The following PLCB4 variants were observed in gnomAD, a reference collection of about 807,000 sequenced individuals.
PLCB4 encodes the protein 1-phosphatidylinositol 4,5-bisphosphate phosphodiesterase beta-4.
Under a neutral mutation model 178.8 loss-of-function variants are expected in PLCB4, and 77 were observed. That is an observed-to-expected ratio of 0.43 (90% CI 0.36 to 0.52). PLCB4 has a LOEUF of 0.52. Ranked by LOEUF, PLCB4 falls within the 20% of genes least tolerant of loss-of-function variation. PLCB4 has a pLI of 0.00. For synonymous variants in PLCB4, 496 were observed against 490.8 expected (o/e 1.01, Z -0.14); for missense variants, 1,024 against 1,453.4 (o/e 0.70, Z 4.80).
At chr20:9,383,563 G>C (rs1003135562) in intron 13 of PLCB4, among the ~76,000 whole-genome samples, 3 of 152,178 alleles carry the variant, frequency 2.0e-5, no homozygotes, top group Non-Finnish European at 2.9e-5. Context: ...AGGTGTGATC[G>C]AAATGAAGGG....
At position 9,473,289 on chromosome 20, in the gene PLCB4, A is replaced by G. The variant is rs746423641; in HGVS notation, c.3419A>G (p.Lys1140Arg). 5 of 1,562,136 alleles carry G rather than the reference A, an allele frequency of 3.2e-6. No homozygotes were observed. The East Asian group carries it at 9.3e-5, about 29-fold the overall frequency. Reference protein sequence around the residue: ...FLEERKRLAMKQSKEMDQLKK... With the variant: ...FLEERKRLAMRQSKEMDQLKK... The stretch of plus-strand genomic sequence containing the variant: ...TTTTTTTTTTTGCAGCTTGCCATGA[A>G]GCAGTCCAAAGAAATGGATCAGTTG... Residue 1140 changes from lysine (K) to arginine (R), a missense_variant, in exon 38 of 40, where the codon AAG becomes AGG. By Grantham distance (26) the Lys-to-Arg change is conservative. Coordinates refer to ENST00000378473, the MANE Select transcript of PLCB4 (RefSeq NM_001377142.1).
intron 39 of PLCB4, among the ~76,000 whole-genome samples, chr20:9,477,791 G>GA (rs1435851795): frequency 6.6e-6 from 1 of 152,142 alleles, no homozygotes; most frequent in Non-Finnish European, 1.5e-5. Context: ...GAAGAAGAAG[G>GA]AAATCACAGT....
intron 35 of PLCB4, among the ~76,000 whole-genome samples, chr20:9,463,593 CAAA>C (rs145361980): frequency 1.6e-4 from 8 of 49,716 alleles, no homozygotes; most frequent in Admixed American, 5.2e-4. Flanking sequence ...AAATGGAAAG[CAAA>C]AAAAAAAAAA....
At chr20:9,172,015 T>C (rs1206691568) in intron 2 of PLCB4, among the ~76,000 whole-genome samples, 1 of 152,198 alleles carries the variant, frequency 6.6e-6, no homozygotes, top group East Asian at 1.9e-4. Context: ...GGCAAAATAA[T>C]TTGGGGTTTT....
intron 30 of PLCB4, among the ~76,000 whole-genome samples, chr20:9,441,013 TA>T (rs1244888470): frequency 6.6e-6 from 1 of 151,918 alleles, no homozygotes; most frequent in Non-Finnish European, 1.5e-5. Flanking sequence ...GGAGGTGAGG[TA>T]AAGTAGAGAT....
chr20:9,298,948 G>A (rs1452906539), intron 3 of PLCB4, among the ~76,000 whole-genome samples: 2 of 152,130 alleles, frequency 1.3e-5, no homozygotes, highest in African/African-American at 2.4e-5. Flanking sequence ...TAGATTTCTT[G>A]TAGCCCAGAA....
At chr20:9,315,731 G>A (rs2094891190) in intron 4 of PLCB4, among the ~76,000 whole-genome samples, 1 of 152,024 alleles carries the variant, frequency 6.6e-6, no homozygotes, top group African/African-American at 2.4e-5. Context: ...TCAGGAGTTC[G>A]AGACCAGCCT....
intron 2 of PLCB4, among the ~76,000 whole-genome samples, chr20:9,108,899 A>AAGAGAGAG (rs34242182): frequency 3.5e-5 from 5 of 142,462 alleles, no homozygotes; most frequent in African/African-American, 1.3e-4. Flanking sequence ...GAGAGAAAAC[A>AAGAGAGAG]AGAGAGAGAG....
intron 27 of PLCB4, among the ~76,000 whole-genome samples, chr20:9,422,409 CT>C (rs1322155671): frequency 6.6e-6 from 1 of 152,212 alleles, no homozygotes; most frequent in Non-Finnish European, 1.5e-5. Context: ...TTCTCTGCCC[CT>C]GTCAGGATAT....
chr20:9,409,877 T>C (rs1433931117), intron 24 of PLCB4, among the ~76,000 whole-genome samples: 1 of 152,104 alleles, frequency 6.6e-6, no homozygotes, highest in Non-Finnish European at 1.5e-5. Flanking sequence ...GGTAGCAAAA[T>C]AGAAATAGAA....
At chr20:9,202,357 T>A (rs1336791196) in intron 2 of PLCB4, among the ~76,000 whole-genome samples, 1 of 152,220 alleles carries the variant, frequency 6.6e-6, no homozygotes, top group Non-Finnish European at 1.5e-5. Context: ...AGAGAGTCTA[T>A]TTTATTGCAT....
intron 2 of PLCB4, among the ~76,000 whole-genome samples, chr20:9,166,896 A>C (rs1026787774): frequency 6.6e-6 from 1 of 152,138 alleles, no homozygotes; most frequent in Non-Finnish European, 1.5e-5. Context: ...ACTTCCCATG[A>C]AAATTGTTAT....
intron 3 of PLCB4, among the ~76,000 whole-genome samples, chr20:9,304,110 A>T (rs77736630): frequency 1.1e-4 from 16 of 142,670 alleles, no homozygotes; most frequent in East Asian, 2.1e-4. Context: ...TTGTTTTACT[A>T]TTTTTTTTTT....
intron 1 of PLCB4, among the ~76,000 whole-genome samples, chr20:9,074,806 T>TAAACAAAAC (rs1568699525): frequency 8.4e-4 from 84 of 100,390 alleles, no homozygotes; most frequent in Middle Eastern, 6.3e-3. Flanking sequence ...TTTTTTTTTT[T>TAAACAAAAC]TAAACAAAAC....
At chr20:9,325,154 G>A (rs1246089409) in intron 4 of PLCB4, among the ~76,000 whole-genome samples, 1 of 152,088 alleles carries the variant, frequency 6.6e-6, no homozygotes, top group Non-Finnish European at 1.5e-5. Context: ...AGTTTGCGGC[G>A]GTGTTTCCGG....
At chr20:9,309,077 C>A (rs2094802181) in intron 4 of PLCB4, among the ~76,000 whole-genome samples, 1 of 152,066 alleles carries the variant, frequency 6.6e-6, no homozygotes, top group Non-Finnish European at 1.5e-5. Flanking sequence ...AAGCAGATCC[C>A]ATTTCTCCTG....
chr20:9,187,786 A>T (rs2147121970), intron 2 of PLCB4, among the ~76,000 whole-genome samples: 1 of 152,368 alleles, frequency 6.6e-6, no homozygotes, highest in East Asian at 1.9e-4. Context: ...CTATAGTTTA[A>T]CCCTTCACAT....
intron 3 of PLCB4, among the ~76,000 whole-genome samples, chr20:9,301,411 G>A (rs1324987073): frequency 2.0e-5 from 3 of 151,878 alleles, no homozygotes; most frequent in African/African-American, 7.3e-5. Context: ...ACCTAAACTG[G>A]TCTAGGTTGG....
intron 25 of PLCB4, among the ~76,000 whole-genome samples, chr20:9,415,136 A>G (rs747230517): frequency 1.3e-5 from 2 of 152,182 alleles, no homozygotes; most frequent in Non-Finnish European, 2.9e-5. Context: ...GTCTCAAAAT[A>G]TCTTAATTTT....
Sources: allele counts gnomAD v4.1 joint callset (sites outside exome capture counted in the v4.1 genomes callset), GRCh38; gene constraint gnomAD v4.1.1; transcripts MANE v1.5; gene names NCBI Gene and HGNC (gene_info 2026-07-23, HGNC 2026-07-21).